The following RAD54L variants were observed in gnomAD, a reference collection of about 807,000 sequenced individuals.
RAD54L encodes RAD54 like, also known as DNA repair and recombination protein RAD54-like.
RAD54L carries 74 observed loss-of-function variants against 91.6 expected under a neutral mutation model. That is an observed-to-expected ratio of 0.81 (90% CI 0.67 to 0.98). RAD54L has a LOEUF of 0.98. Among genes scored for constraint, RAD54L ranks in the 50% least tolerant of loss-of-function variants. RAD54L has a pLI of 0.00. For synonymous variants in RAD54L, 304 were observed against 349.7 expected, an observed-to-expected ratio of 0.87 and a Z score of 1.46; for missense variants, 887 against 945.7, an observed-to-expected ratio of 0.94 and a Z score of 0.81.
Position 46,250,026 on chromosome 1 carries a change from T to C in RAD54L, c.117T>C (p.Ser39=), listed in dbSNP as rs1189266124. ...CTCCTAGGAAACGGAAATCCAGCAG[T>C]GAGACCCAGATCCAGGAGTGTTTCC... ...LVTPRKRKSS[S]ETQIQECFLS... Residue 39 remains serine, a synonymous_variant, in exon 3 of 18, where the codon AGT becomes AGC. Transcript: ENST00000371975. The C allele has an allele frequency of 1.2e-6, 2 of 1,614,054 alleles. No homozygotes were observed. Among genetic ancestry groups the C allele is most frequent in the Non-Finnish European group, 1.7e-6 (2 of 1,179,904 alleles).
chr1:46,277,285 C>G (rs952329152), intron 16 of RAD54L, among the ~76,000 whole-genome samples: 1 of 152,206 alleles, frequency 6.6e-6, no homozygotes, highest in South Asian at 2.1e-4. Flanking sequence ...AGATTGAGCT[C>G]AAGGATAGAG....
intron 9 of RAD54L, among the ~76,000 whole-genome samples, chr1:46,269,669 C>G (rs953895415): frequency 3.3e-5 from 5 of 152,136 alleles, no homozygotes; most frequent in African/African-American, 1.2e-4. Context: ...GCCTGCCATA[C>G]CCACCAAAAA....
chr1:46,261,299 C>G lies in RAD54L; in HGVS notation c.805C>G (p.Pro269Ala), dbSNP rs1261856350. ...CCAGCGTGGAGCCAGGGTGTCTTCT[C>G]CCATCCTCATCATTTCCTATGAGAC... ...MNQRGARVSS[P>A]ILIISYETFR... The change falls in exon 8 of 18, where the codon CCC becomes GCC. Residue 269 changes from proline to alanine, a missense_variant. Pro to Ala is a conservative substitution (Grantham distance 27). Transcript: ENST00000371975. The G allele has an allele frequency of 3.1e-6, 5 of 1,612,852 alleles. No individual in the cohort carries two copies. The South Asian group carries it at 4.4e-5, about 14-fold the overall frequency.
In RAD54L at chr1:46,248,504, C is replaced by G; in HGVS notation, c.4-8C>G. 1 of 1,614,096 alleles carries G rather than the reference C, an allele frequency of 6.2e-7. No homozygotes were observed. On this transcript the variant is annotated splice_region_variant and splice_polypyrimidine_tract_variant and intron_variant, in intron 1 of 17. Transcript: ENST00000371975. Reference sequence around the variant, plus strand: ...CTTGCAGGCACTGTTTCTGTTCTCCCTTTACAGAGGAGGAGCTTGGCTCCC... The same window carrying G: ...CTTGCAGGCACTGTTTCTGTTCTCCGTTTACAGAGGAGGAGCTTGGCTCCC...
chr1:46,270,778 G>A lies in RAD54L; in HGVS notation c.1162G>A (p.Val388Met), dbSNP rs139540320. 9 of 1,614,154 alleles carry A rather than the reference G, an allele frequency of 5.6e-6. No individual in the cohort carries two copies. Among genetic ancestry groups the A allele is most frequent in the Middle Eastern group, 3.3e-4 (2 of 6,058 alleles). ...GCGGCTGCGGGAGCTCACCAGCATT[G>A]TGAATAGGTAATGACCTTAAGCGAA... ...EERLRELTSI[V>M]NRCLIRRTSD... Residue 388 changes from valine to methionine, a missense_variant, in exon 10 of 18, where the codon GTG (valine) becomes ATG (methionine). Transcript: ENST00000371975.
chr1:46,277,512 G>A (rs904923468), intron 16 of RAD54L: 1 of 461,282 alleles, frequency 2.2e-6, no homozygotes, highest in Non-Finnish European at 4.0e-6. Context: ...GTTGGGCTTG[G>A]TGCAGAAATC....
Position 46,258,727 on chromosome 1 carries a change from C to T in RAD54L, c.252C>T (p.Val84=). 6.2e-7 allele frequency: 1 copy of T among 1,605,540 alleles called. No individual in the cohort carries two copies. Among genetic ancestry groups the T allele is most frequent in the Non-Finnish European group, 8.5e-7 (1 of 1,172,138 alleles). ...IRSILSKPFK[V]PIPNYQGPLG... The stretch of plus-strand genomic sequence containing the variant: ...GCATTTTGTCAAAGCCTTTCAAAGT[C>T]CCCATTCCAAATTATCAAGGTAAAA... Residue 84 remains valine (V), a synonymous_variant, in exon 4 of 18, where the codon GTC becomes GTT. Coordinates refer to ENST00000371975, the MANE Select transcript of RAD54L (RefSeq NM_003579.4).
intron 13 of RAD54L, 60 bp downstream of exon 13, chr1:46,273,525 T>G (rs2148301664): frequency 3.1e-6 from 5 of 1,611,048 alleles, no homozygotes; most frequent in Non-Finnish European, 4.2e-6. Flanking sequence ...GATTTTTTTT[T>G]GTGCTAGGGC....
chr1:46,273,733 G>T lies in RAD54L; in HGVS notation c.1596G>T (p.Leu532=). 1 of 1,610,020 alleles carries T rather than the reference G, an allele frequency of 6.2e-7. No homozygotes were observed. The highest frequency in any genetic ancestry group is 1.3e-5 in the African/African-American group (1 of 75,014). The change falls in exon 14 of 18, where the codon CTG becomes CTT. Residue 532 remains leucine, a synonymous_variant. Transcript: ENST00000371975. The stretch of plus-strand genomic sequence containing the variant: ...AGACTTTGGATCTCTTTGAGAAGCT[G>T]TGCCGTGCCCGAAGGTAGGGAAGAT... ...YTQTLDLFEK[L]CRARRYLYVR...
At chr1:46,270,850 G>C (rs1048515379) in intron 10 of RAD54L, 65 bp downstream of exon 10, 3 of 1,605,022 alleles carry the variant, frequency 1.9e-6, no homozygotes, top group Non-Finnish European at 2.5e-6. Flanking sequence ...TCCTTTGGGG[G>C]CTTTGCCTCT....
At chr1:46,270,617 C>T in intron 9 of RAD54L, 42 bp from the exon 10 acceptor site, 1 of 1,612,128 alleles carries the variant, frequency 6.2e-7, no homozygotes, top group African/African-American at 1.3e-5. Flanking sequence ...GAAAATCATT[C>T]CTTTTCCACA....
In RAD54L at chr1:46,248,185, C is replaced by T. The variant is rs1659699585; in HGVS notation, c.-221C>T. 3.0e-6 allele frequency: 2 copies of T among 662,970 alleles called. No individual in the cohort carries two copies. Among genetic ancestry groups the T allele is most frequent in the Non-Finnish European group, 5.5e-6 (2 of 366,282 alleles). 41.1% of individuals were successfully genotyped at this position (662,970 alleles called of 1,614,324 possible). A position where few individuals can be genotyped will look rare whatever the true frequency, so the allele number is the denominator to read the frequency against. On this transcript the variant is annotated 5_prime_UTR_variant, in exon 1 of 18. Transcript: ENST00000371975. ...GGTCTCTTCCTCTTTGGCCTAATCT[C>T]TCGTCTCGGCTTATTGGGGACGGCC...
chr1:46,249,512 T>A (rs916865426), intron 2 of RAD54L, among the ~76,000 whole-genome samples: 5 of 152,312 alleles, frequency 3.3e-5, no homozygotes, highest in African/African-American at 1.2e-4. Flanking sequence ...TGCATCTGGG[T>A]CTGCTGTCAG....
Position 46,248,310 on chromosome 1 carries a change from C to A in RAD54L, c.-96C>A. On this transcript the variant is annotated 5_prime_UTR_variant, in exon 1 of 18. Coordinates refer to ENST00000371975, the MANE Select transcript of RAD54L (RefSeq NM_003579.4). ...GTCCTCTCAATAATGTAGCAGCCCC[C>A]TCTACAGATTAGACCCTGGTCCTAC... 1 of 1,459,198 alleles carries A rather than the reference C, an allele frequency of 6.9e-7. No homozygotes were observed. Among genetic ancestry groups the A allele is most frequent in the Non-Finnish European group, 9.5e-7 (1 of 1,048,268 alleles). The allele number at this position is 1,459,198 out of a possible 1,614,324, so 90.4% of individuals were successfully genotyped here. A position where few individuals can be genotyped will look rare whatever the true frequency, so the allele number is the denominator to read the frequency against.
intron 8 of RAD54L, among the ~76,000 whole-genome samples, chr1:46,264,022 C>T (rs949676194): frequency 6.6e-6 from 1 of 152,174 alleles, no homozygotes; most frequent in African/African-American, 2.4e-5. Context: ...GTCTCGAACT[C>T]CTGGCCCCAA....
chr1:46,261,005 C>T lies in RAD54L; in HGVS notation c.756C>T (p.Asp252=), dbSNP rs763038665. The stretch of plus-strand genomic sequence containing the variant: ...ATGGAGGATCTAAGGATGAAATAGA[C>T]CAAAAGCTGGGTACGGAGCCCTAAC... The part of the protein sequence containing the change: ...AIDGGSKDEI[D]QKLEGFMNQR... Residue 252 remains aspartate (D), a synonymous_variant, in exon 7 of 18, where the codon GAC becomes GAT. Transcript: ENST00000371975. The T allele has an allele frequency of 6.2e-7, 1 of 1,613,424 alleles. No homozygotes were observed. Among genetic ancestry groups the T allele is most frequent in the Non-Finnish European group, 8.5e-7 (1 of 1,179,934 alleles).
At position 46,278,135 on chromosome 1, in the gene RAD54L, C is replaced by G. The variant is rs767391186; in HGVS notation, c.2097C>G (p.Cys699Trp). Residue 699 changes from cysteine (C) to tryptophan (W), a missense_variant, in exon 18 of 18, where the codon TGC (cysteine) becomes TGG (tryptophan). Cys to Trp is a radical substitution (Grantham distance 215). Coordinates refer to ENST00000371975, the MANE Select transcript of RAD54L (RefSeq NM_003579.4). The stretch of plus-strand genomic sequence containing the variant: ...GGCCACCCCCTGATGGTTCTGACTG[C>G]ACTTCAGACCTGGCAGGGTGGAACC... Reference protein sequence around the residue: ...QIRPPPDGSDCTSDLAGWNHC... With the variant: ...QIRPPPDGSDWTSDLAGWNHC... The G allele has an allele frequency of 6.2e-7, 1 of 1,613,896 alleles. No individual in the cohort carries two copies. The highest frequency in any genetic ancestry group is 8.5e-7 in the Non-Finnish European group (1 of 1,179,918).
In RAD54L at chr1:46,265,862, T is replaced by C. The variant is rs1156677875; in HGVS notation, c.892-1597T>C. On this transcript the variant is annotated intron_variant, in intron 8 of 17. Coordinates refer to ENST00000371975, the MANE Select transcript of RAD54L (RefSeq NM_003579.4). This position sits in a 1 kb window ranked among gnomAD's most constrained non-coding sequence, Gnocchi z 4.8. ...TCTGCTACTTTCTACCGGCATGATT[T>C]TGGATAACTGTTTACCTCTCTGAAT... Among the ~76,000 whole-genome samples the C allele has an allele frequency of 3.9e-5, 6 of 152,220 alleles. No homozygotes were observed. Among genetic ancestry groups the C allele is most frequent in the Admixed American group, 1.3e-4 (2 of 15,282 alleles).
rs774337754 is a variant in RAD54L, at chr1:46,259,967, C to T, written c.275C>T (p.Pro92Leu). The T allele has an allele frequency of 6.2e-7, 1 of 1,613,954 alleles. No homozygotes were observed. The highest frequency in any genetic ancestry group is 1.3e-5 in the African/African-American group (1 of 74,886). ...CGGAATGATTATTGGTTTGTAGGTCCTCTGGGCTCTCGAGCATTGGGCCTG... is the reference window on the plus strand; with the variant it reads ...CGGAATGATTATTGGTTTGTAGGTCTTCTGGGCTCTCGAGCATTGGGCCTG... ...FKVPIPNYQG[P>L]LGSRALGLKR... Residue 92 changes from proline (P) to leucine (L), a missense_variant, in exon 5 of 18, where the codon CCT (proline) becomes CTT (leucine). Pro to Leu is a moderately conservative substitution (Grantham distance 98). Transcript: ENST00000371975.
Sources: allele counts gnomAD v4.1 joint callset (sites outside exome capture counted in the v4.1 genomes callset), GRCh38; gene constraint gnomAD v4.1.1; non-coding constraint Gnocchi (gnomAD v3.1); transcripts MANE v1.5; gene names NCBI Gene and HGNC (gene_info 2026-07-23, HGNC 2026-07-21).